The following CRB1 variants were observed in gnomAD, a reference collection of about 807,000 sequenced individuals.
The protein encoded by CRB1 is crumbs cell polarity complex component 1, also known as protein crumbs homolog 1.
In CRB1, 83 loss-of-function variants were observed where a neutral mutation model predicts 120.0. That is an observed-to-expected ratio of 0.69 (90% confidence interval 0.58 to 0.83). The LOEUF is 0.83. Among genes scored for constraint, CRB1 ranks in the 40% least tolerant of loss-of-function variants. CRB1 has a pLI of 0.00. For synonymous variants in CRB1, 625 were observed against 612.5 expected, an observed-to-expected ratio of 1.02 and a Z score of -0.30; for missense variants, 1,699 against 1,687.6, an observed-to-expected ratio of 1.01 and a Z score of -0.12.
At chr1:197,368,522 G>T (rs1238310455) in intron 5 of CRB1, among the ~76,000 whole-genome samples, 2 of 152,154 alleles carry the variant, frequency 1.3e-5, no homozygotes, top group East Asian at 1.9e-4. Context: ...TTTAAAAAAT[G>T]ATTTTTGTTG....
At position 197,477,820 on chromosome 1, in the gene CRB1, G is replaced by A. The variant is rs1455855649; in HGVS notation, c.4162G>A (p.Gly1388Ser). 6.2e-7 allele frequency: 1 copy of A among 1,613,884 alleles called. No homozygotes were observed. The highest frequency in any genetic ancestry group is 8.5e-7 in the Non-Finnish European group (1 of 1,179,866). ...TYSPSRQEKE[G>S]SRVEMWNLMP... ...CAGCCCCAGCCGTCAGGAGAAGGAG[G>A]GCTCCCGAGTGGAAATGTGGAACTT... Residue 1388 changes from glycine (G) to serine (S), a missense_variant, in exon 12 of 12, where the codon GGC becomes AGC. Coordinates refer to ENST00000367400, the MANE Select transcript of CRB1 (RefSeq NM_201253.3).
intron 11 of CRB1, among the ~76,000 whole-genome samples, chr1:197,461,138 A>G (rs1426662466): frequency 6.6e-6 from 1 of 152,158 alleles, no homozygotes; most frequent in African/African-American, 2.4e-5. Context: ...TTAATTACCA[A>G]TATAAATGCT....
chr1:197,340,280 T>C (rs1472467544), intron 2 of CRB1, among the ~76,000 whole-genome samples: 1 of 152,030 alleles, frequency 6.6e-6, no homozygotes, highest in Non-Finnish European at 1.5e-5. Context: ...GCATTACAAG[T>C]AAGGGAAATA....
intron 8 of CRB1, among the ~76,000 whole-genome samples, chr1:197,433,367 G>A (rs1039091877): frequency 1.3e-5 from 2 of 152,214 alleles, no homozygotes; most frequent in South Asian, 2.1e-4. Flanking sequence ...GCCTGATAAT[G>A]TATTAATAGT....
At chr1:197,457,444 G>T (rs1427381544) in intron 11 of CRB1, among the ~76,000 whole-genome samples, 3 of 152,110 alleles carry the variant, frequency 2.0e-5, no homozygotes, top group Non-Finnish European at 4.4e-5. Context: ...AGATCCCGGA[G>T]CATCTGCATC....
At chr1:197,326,662 A>C (rs1439832173) in intron 1 of CRB1, among the ~76,000 whole-genome samples, 4 of 151,874 alleles carry the variant, frequency 2.6e-5, no homozygotes, top group African/African-American at 9.7e-5. Flanking sequence ...AATAATTTAA[A>C]AATGTATAAT....
Position 197,438,537 on chromosome 1 carries a change from A to G in CRB1, c.3750-10A>G. 3 of 1,611,736 alleles carry G rather than the reference A, an allele frequency of 1.9e-6. No individual in the cohort carries two copies. The highest frequency in any genetic ancestry group is 2.5e-6 in the Non-Finnish European group (3 of 1,178,286). ...ATGAACAGCTGTGGCTCTTGCTTTT[A>G]TCTCTCTAGACAGAGCAGATTACCC... On this transcript the variant is annotated splice_polypyrimidine_tract_variant and intron_variant, in intron 9 of 11. Transcript: ENST00000367400.
intron 1 of CRB1, among the ~76,000 whole-genome samples, chr1:197,327,091 CAAAAAAAAAAAAAA>C (rs71131753): frequency 5.1e-3 from 130 of 25,632 alleles, no homozygotes; most frequent in African/African-American, 0.023. Context: ...TCTCACACAC[CAAAAAAAAAAAAAA>C]AAAAAAAAAA....
chr1:197,257,365 C>G, the CRB1 span, among the ~76,000 whole-genome samples: 1 of 152,062 alleles, frequency 6.6e-6, no homozygotes, highest in Non-Finnish European at 1.5e-5. Context: ...GGAAACACCC[C>G]CATTACACAC....
intron 11 of CRB1, among the ~76,000 whole-genome samples, chr1:197,470,858 C>T (rs1666949401): frequency 6.6e-6 from 1 of 152,208 alleles, no homozygotes; most frequent in Non-Finnish European, 1.5e-5. Context: ...ATAAACTTGT[C>T]TATTTATGAC....
At chr1:197,373,556 T>C (rs2821108) in intron 5 of CRB1, among the ~76,000 whole-genome samples, 59,639 of 152,022 alleles carry the variant, frequency 0.39, 13,724 homozygotes, top group African/African-American at 0.64. Context: ...GATCATTACC[T>C]AGGAGTTGGC....
At chr1:197,349,634 G>A (rs1202386443) in intron 4 of CRB1, among the ~76,000 whole-genome samples, 1 of 152,110 alleles carries the variant, frequency 6.6e-6, no homozygotes, top group Non-Finnish European at 1.5e-5. Flanking sequence ...ATATCCTATT[G>A]CCTAAGAGAC....
Position 197,268,389 on chromosome 1 carries a change from A to AGAG in CRB1, c.-21_-19dup. The AGAG allele has an allele frequency of 6.4e-7, 1 of 1,572,992 alleles. No homozygotes were observed. The highest frequency in any genetic ancestry group is 8.8e-7 in the Non-Finnish European group (1 of 1,142,838). ...GGGACCAGACCACCAGCAACACACCAGAGGATGTTCTCTAAATAAGACCAT... is the reference window on the plus strand; with the variant it reads ...GGGACCAGACCACCAGCAACACACCAGAGGAGGATGTTCTCTAAATAAGACCAT... On this transcript the variant is annotated 5_prime_UTR_variant, in exon 1 of 12. It adds an upstream start codon to the 5' untranslated region. Transcript: ENST00000367400.
the CRB1 span, among the ~76,000 whole-genome samples, chr1:197,203,088 G>A: frequency 3.3e-5 from 5 of 151,884 alleles, no homozygotes; most frequent in African/African-American, 9.7e-5. Context: ...GTAATTCTTC[G>A]TATTAACAGA....
At chr1:197,231,021 A>G in the CRB1 span, among the ~76,000 whole-genome samples, 2 of 152,192 alleles carry the variant, frequency 1.3e-5, no homozygotes, top group Admixed American at 1.3e-4. Context: ...GTGTTATACA[A>G]ATGTTTAGCT....
At chr1:197,280,580 C>G (rs1450218073) in intron 1 of CRB1, among the ~76,000 whole-genome samples, 1 of 151,824 alleles carries the variant, frequency 6.6e-6, no homozygotes, top group Non-Finnish European at 1.5e-5. Flanking sequence ...AACATGTATT[C>G]TATCAAGTAC....
At chr1:197,231,298 T>C in the CRB1 span, among the ~76,000 whole-genome samples, 3 of 152,196 alleles carry the variant, frequency 2.0e-5, no homozygotes, top group Non-Finnish European at 2.9e-5. Flanking sequence ...ACTACCCCCC[T>C]CATCATCTTA....
chr1:197,285,080 G>T (rs1655745852), intron 1 of CRB1, among the ~76,000 whole-genome samples: 1 of 151,870 alleles, frequency 6.6e-6, no homozygotes, highest in East Asian at 2.0e-4. Flanking sequence ...CTATTGGAGT[G>T]TGAGTTGGTC....
At chr1:197,233,369 T>C in the CRB1 span, among the ~76,000 whole-genome samples, 1 of 152,170 alleles carries the variant, frequency 6.6e-6, no homozygotes, top group South Asian at 2.1e-4. Context: ...AAAAAGAAAT[T>C]AGGTACATGT....
Sources: gnomAD v4.1 joint callset for allele counts (sites outside exome capture counted in the v4.1 genomes callset) on GRCh38, gnomAD v4.1.1 for gene constraint, MANE v1.5 for transcripts, NCBI Gene and HGNC (gene_info 2026-07-23, HGNC 2026-07-21) for gene names.